The following SRI variants were observed in gnomAD, a reference collection of about 807,000 sequenced individuals.
SRI encodes the protein 22 kDa protein.
In SRI, 30 loss-of-function variants were observed where a neutral mutation model predicts 33.3. That is an observed-to-expected ratio of 0.90 (90% CI 0.67 to 1.22). SRI has a LOEUF of 1.22. Ranked by LOEUF, SRI falls within the 50% of genes most tolerant of loss-of-function variation. SRI has a pLI of 0.00. For synonymous variants in SRI, 75 were observed against 89.9 expected (o/e 0.83, Z 0.94); for missense variants, 243 against 250.8 (o/e 0.97, Z 0.21).
chr7:88,219,990 A>G lies in SRI; in HGVS notation c.37T>C (p.Tyr13His). 1.3e-6 allele frequency: 2 copies of G among 1,538,012 alleles called. No homozygotes were observed. Among genetic ancestry groups the G allele is most frequent in the East Asian group, 2.5e-5 (1 of 40,526 alleles). ...TCAGCACTTACCCCGCCTGGGTAGT[A>G]CCCGCCGCCGGCGCCAGGATGCCCC... ...YPGHPGAGGGYYPGGYGGAPG... is the reference protein window; with the variant it reads ...YPGHPGAGGGHYPGGYGGAPG... Residue 13 changes from tyrosine to histidine, a missense_variant, in exon 1 of 8, where the codon TAC becomes CAC. Transcript: ENST00000265729.
At chr7:88,220,453 C>T (rs1055023875), upstream of SRI, among the ~76,000 whole-genome samples, 1 of 151,874 alleles carries the variant, frequency 6.6e-6, no homozygotes, top group Non-Finnish European at 1.5e-5. Flanking sequence ...ATAAGCGGAG[C>T]GCACCATCGC....
chr7:88,206,661 T>A (rs1851445187), intron 7 of SRI, among the ~76,000 whole-genome samples, 157 bp from the exon 8 acceptor site: 1 of 151,334 alleles, frequency 6.6e-6, no homozygotes, highest in South Asian at 2.1e-4. Flanking sequence ...AAAAGTTTCC[T>A]TTTTTTAGGG....
chr7:88,220,215 A>C (rs945445158), upstream of SRI: 1 of 1,312,054 alleles, frequency 7.6e-7, no homozygotes, highest in Non-Finnish European at 9.7e-7. Context: ...GCTTCTTCGT[A>C]TCTTTGCCAT....
At chr7:88,223,076 G>A (rs1851925780), upstream of SRI, among the ~76,000 whole-genome samples, 1 of 151,950 alleles carries the variant, frequency 6.6e-6, no homozygotes, top group Admixed American at 6.6e-5. Flanking sequence ...CTACAAAATG[G>A]GAGAAAATTT....
At position 88,210,917 on chromosome 7, in the gene SRI, G is replaced by A; in HGVS notation, c.214C>T (p.Leu72=). The change falls in exon 4 of 8, where the codon CTG becomes TTG. Residue 72 remains leucine (L), a synonymous_variant. Coordinates refer to ENST00000265729, the MANE Select transcript of SRI (RefSeq NM_003130.4). ...GIAGGYKPFN[L]ETCRLMVSML... ...GAAACCATAAGCCGGCAAGTCTCCA[G>A]GTTAAAAGCTGTTAAATCAAGAAAA... 6 of 1,613,366 alleles carry A rather than the reference G, an allele frequency of 3.7e-6. No individual in the cohort carries two copies. Among genetic ancestry groups the A allele is most frequent in the Non-Finnish European group, 5.1e-6 (6 of 1,179,628 alleles).
intron 4 of SRI, chr7:88,210,629 C>T (rs1851552810): frequency 2.2e-6 from 1 of 459,308 alleles, no homozygotes; most frequent in Admixed American, 3.7e-5. Flanking sequence ...AAAAGCTGTC[C>T]TGACACTCTG....
intron 3 of SRI, among the ~76,000 whole-genome samples, chr7:88,211,362 G>T (rs1158707669): frequency 1.3e-5 from 2 of 152,130 alleles, no homozygotes; most frequent in East Asian, 3.9e-4. Flanking sequence ...GGTTGAGGCA[G>T]GAGAATTGCT....
chr7:88,206,180 GACTTAAA>G lies in SRI; in HGVS notation c.*291_*297del. The G allele has an allele frequency of 2.3e-6, 1 of 438,520 alleles. No individual in the cohort carries two copies. The highest frequency in any genetic ancestry group is 4.2e-6 in the Non-Finnish European group (1 of 240,140). The allele number at this position is 438,520 out of a possible 1,614,324, so 27.2% of individuals were successfully genotyped here. ...TCTCACAATGAAAAATAAATAATGT[GACTTAAA>G]CATTTTGCATACTTAAATTTACATA... On this transcript the variant is annotated 3_prime_UTR_variant, in exon 8 of 8. Coordinates refer to ENST00000265729, the MANE Select transcript of SRI (RefSeq NM_003130.4).
At chr7:88,216,111 G>A (rs1851705321) in intron 3 of SRI, among the ~76,000 whole-genome samples, 1 of 152,138 alleles carries the variant, frequency 6.6e-6, no homozygotes, top group Non-Finnish European at 1.5e-5. Flanking sequence ...CTGAGTAGCT[G>A]GGACCACAGG....
At chr7:88,218,304 G>T (rs145845242) in intron 2 of SRI, among the ~76,000 whole-genome samples, 138 of 152,228 alleles carry the variant, frequency 9.1e-4, no homozygotes, top group African/African-American at 3.3e-3. Context: ...TGCTTCTCTG[G>T]GTCAACAGGC....
rs1290755627 is a variant in SRI at position 88,218,894 on chromosome 7, G to C, written c.100C>G (p.Pro34Ala). 2 of 1,614,074 alleles carry C rather than the reference G, an allele frequency of 1.2e-6. No homozygotes were observed. Among genetic ancestry groups the C allele is most frequent in the Non-Finnish European group, 1.7e-6 (2 of 1,179,996 alleles). The stretch of plus-strand genomic sequence containing the variant: ...ACAGCAGCAAAGTAACCATACAGCG[G>C]ATCCTGAGTTTGTCCGGGAAACGCA... ...GPAFPGQTQD[P>A]LYGYFAAVAG... The change falls in exon 2 of 8, where the codon CCG becomes GCG. Residue 34 changes from proline (P) to alanine (A), a missense_variant. Physicochemically the swap from Pro to Ala is conservative, Grantham distance 27. Coordinates refer to ENST00000265729, the MANE Select transcript of SRI (RefSeq NM_003130.4).
Position 88,220,028 on chromosome 7 carries a change from C to T in SRI, c.-2G>A. 1 of 1,528,158 alleles carries T rather than the reference C, an allele frequency of 6.5e-7. No homozygotes were observed. 94.7% of individuals were successfully genotyped at this position (1,528,158 alleles called of 1,614,324 possible). A position where few individuals can be genotyped will look rare whatever the true frequency, so the allele number is the denominator to read the frequency against. On this transcript the variant is annotated 5_prime_UTR_variant, in exon 1 of 8. Coordinates refer to ENST00000265729, the MANE Select transcript of SRI (RefSeq NM_003130.4). ...GCCAGGATGCCCCGGGTACGCCATG[C>T]TGCAGACTGCGCCGCAGCCGCCCTC...
chr7:88,212,617 G>C (rs932992774), intron 3 of SRI, among the ~76,000 whole-genome samples: 1 of 152,108 alleles, frequency 6.6e-6, no homozygotes, highest in African/African-American at 2.4e-5. Flanking sequence ...GTGATTCCTG[G>C]ACCAGCCATA....
upstream of SRI, chr7:88,220,100 C>T: frequency 7.0e-7 from 1 of 1,438,024 alleles, no homozygotes; most frequent in African/African-American, 1.5e-5. Flanking sequence ...CCCGCCCTGC[C>T]GCTAGGGGGC....
chr7:88,212,223 G>C (rs1283337922), intron 3 of SRI, among the ~76,000 whole-genome samples: 1 of 152,162 alleles, frequency 6.6e-6, no homozygotes, highest in Non-Finnish European at 1.5e-5. Flanking sequence ...ATAGATTCCT[G>C]TGTTTGGCAT....
At chr7:88,214,856 C>T in intron 3 of SRI, 1 of 1,259,320 alleles carries the variant, frequency 7.9e-7, no homozygotes, top group Non-Finnish European at 1.0e-6. Context: ...CTTTTCTTCT[C>T]ACAGAAACAT....
intron 3 of SRI, 52 bp from the exon 4 acceptor site, chr7:88,210,977 A>T: frequency 1.5e-6 from 2 of 1,308,266 alleles, no homozygotes; most frequent in Non-Finnish European, 2.2e-6. Context: ...AAAAATTCAC[A>T]TTACACTGGA....
chr7:88,222,887 C>T (rs2115827039), upstream of SRI, among the ~76,000 whole-genome samples: 2 of 151,906 alleles, frequency 1.3e-5, no homozygotes, highest in East Asian at 3.9e-4. Flanking sequence ...GACCTAAAAC[C>T]ATAAAAACCC....
intron 3 of SRI, among the ~76,000 whole-genome samples, chr7:88,216,012 C>T (rs1230282226): frequency 6.6e-6 from 1 of 152,204 alleles, no homozygotes; most frequent in African/African-American, 2.4e-5. Flanking sequence ...CTGAGACAGG[C>T]TGTCACCCAG....
Sources: allele counts gnomAD v4.1 joint callset (sites outside exome capture counted in the v4.1 genomes callset), GRCh38; gene constraint gnomAD v4.1.1; transcripts MANE v1.5; gene names NCBI Gene and HGNC (gene_info 2026-07-23, HGNC 2026-07-21).